NDRG2: variants seen among roughly 807,000 people sequenced by gnomAD.
NDRG2 encodes NDRG family member 2.
In NDRG2, 34 loss-of-function variants were observed where a neutral mutation model predicts 58.2. The ratio of observed to expected loss-of-function variants is 0.58; its 90% CI spans 0.44 to 0.78. NDRG2 has a LOEUF of 0.78. Ranked by LOEUF, NDRG2 falls within the 30% of genes least tolerant of loss-of-function variation. The probability of loss-of-function intolerance (pLI) is 0.00; values close to 1 mark genes in which losing one functional copy is unlikely to be tolerated. For synonymous variants in NDRG2, 187 were observed against 175.9 expected (o/e 1.06, Z -0.50); for missense variants, 434 against 471.2 (o/e 0.92, Z 0.73).
At chr14:21,030,700 T>C, upstream of NDRG2, 1 of 1,614,174 alleles carries the variant, frequency 6.2e-7, no homozygotes, top group South Asian at 1.1e-5. Context: ...TGTGGCATCA[T>C]GGATGGCAAG....
At chr14:21,017,915 C>G (rs1877671178) in intron 15 of NDRG2, 72 bp downstream of exon 15, 3 of 1,612,266 alleles carry the variant, frequency 1.9e-6, no homozygotes, top group Admixed American at 1.7e-5. Context: ...TCCAGGCATT[C>G]ACCTAAAACG....
At chr14:21,022,783 G>A in intron 3 of NDRG2, 81 bp downstream of exon 3, 4 of 1,401,864 alleles carry the variant, frequency 2.9e-6, no homozygotes, top group Middle Eastern at 1.8e-4. Flanking sequence ...AGAGAGAAGA[G>A]AGGGCCAAGC....
At chr14:21,021,932 AC>A in intron 5 of NDRG2, 53 bp from the exon 6 acceptor site, 1 of 1,610,696 alleles carries the variant, frequency 6.2e-7, no homozygotes, top group Non-Finnish European at 8.5e-7. Flanking sequence ...CACACCCCCC[AC>A]CTCAGGATGT....
chr14:21,042,904 T>C (rs368936021), intron 1 of NDRG2: 20 of 1,101,306 alleles, frequency 1.8e-5, no homozygotes, highest in Non-Finnish European at 3.8e-6. Flanking sequence ...CTAGCTCATA[T>C]GAGCAGGTAT....
chr14:21,038,074 T>C (rs1479661638), intron 1 of NDRG2, among the ~76,000 whole-genome samples: 1 of 152,210 alleles, frequency 6.6e-6, no homozygotes, highest in African/African-American at 2.4e-5. Context: ...TCCTGGGCTG[T>C]CCTTGAACCT....
chr14:21,021,367 T>A, intron 6 of NDRG2: 1 of 329,574 alleles, frequency 3.0e-6, no homozygotes, highest in Non-Finnish European at 5.9e-6. Context: ...GGCCAGCACC[T>A]CCCTCTGAAT....
At position 21,023,253 on chromosome 14, in the gene NDRG2, A is replaced by G; in HGVS notation, c.63T>C (p.Pro21=). 2 of 1,613,948 alleles carry G rather than the reference A, an allele frequency of 1.2e-6. No homozygotes were observed. Among genetic ancestry groups the G allele is most frequent in the Non-Finnish European group, 1.7e-6 (2 of 1,179,912 alleles). Residue 21 remains proline (P), a synonymous_variant, in exon 2 of 16, where the codon CCT becomes CCC. Coordinates refer to ENST00000556147, the MANE Select transcript of NDRG2 (RefSeq NM_001320329.2). ...GGTCTCTAATAACCTTGGCCGCCTCAGGCGTCTGTCCTGGCAACAGTGGCT... is the reference window on the plus strand; with the variant it reads ...GGTCTCTAATAACCTTGGCCGCCTCGGGCGTCTGTCCTGGCAACAGTGGCT... ...EEKPLLPGQT[P]EAAKEAELAA...
chr14:21,020,046 A>G (rs1247415942), intron 8 of NDRG2, 70 bp from the exon 9 acceptor site: 2 of 1,470,966 alleles, frequency 1.4e-6, no homozygotes, highest in Non-Finnish European at 1.9e-6. Flanking sequence ...CTGTAATCCC[A>G]GCACTTTGGG....
Position 21,024,204 on chromosome 14 carries a change from C to T in NDRG2, c.-181G>A. ...AGACTCCCAGGGTCATCAACCTCCT[C>T]GGGTCACTAACCCTCCCCAGTGTCT... On this transcript the variant is annotated 5_prime_UTR_variant, in exon 1 of 16. Transcript: ENST00000556147. 3 of 985,436 alleles carry T rather than the reference C, an allele frequency of 3.0e-6. No individual in the cohort carries two copies. The highest frequency in any genetic ancestry group is 3.6e-6 in the Non-Finnish European group (3 of 830,008). 61.0% of individuals were successfully genotyped at this position (985,436 alleles called of 1,614,324 possible).
chr14:21,018,573 G>A (rs1218754808), intron 12 of NDRG2, 69 bp from the exon 13 acceptor site: 6 of 1,584,608 alleles, frequency 3.8e-6, no homozygotes, highest in Non-Finnish European at 5.1e-6. Flanking sequence ...AAGGGACCCA[G>A]GAACCCAGAC....
At position 21,049,147 on chromosome 14, in the gene NDRG2, T is replaced by G. The variant is rs192484018; in HGVS notation, c.24+21681A>C. On this transcript the variant is annotated intron_variant, in intron 1 of 14. Transcript: ENST00000403829. ...CCTCCCATCCAAAGGATTTGATTATTGCAGCAATTGATGGAGACAGGGCTC... is the reference window on the plus strand; with the variant it reads ...CCTCCCATCCAAAGGATTTGATTATGGCAGCAATTGATGGAGACAGGGCTC... Among the ~76,000 whole-genome samples the G allele has an allele frequency of 2.8e-3, 425 of 152,308 alleles. 1 individual carries two copies. Among genetic ancestry groups the G allele is most frequent in the African/African-American group, 9.7e-3 (404 of 41,550 alleles).
At chr14:21,026,714 C>T (rs1594466950), upstream of NDRG2, among the ~76,000 whole-genome samples, 2 of 152,168 alleles carry the variant, frequency 1.3e-5, no homozygotes, top group Admixed American at 1.3e-4. Flanking sequence ...ATTTGGAGCA[C>T]CCAACTTTTC....
intron 1 of NDRG2, among the ~76,000 whole-genome samples, chr14:21,035,135 G>C (rs1884535278): frequency 6.6e-6 from 1 of 152,166 alleles, no homozygotes; most frequent in African/African-American, 2.4e-5. Context: ...CCACCAAAGT[G>C]CTGGGCTGAG....
intron 1 of NDRG2, among the ~76,000 whole-genome samples, chr14:21,067,761 T>TACACAC (rs3061993): frequency 0.027 from 3,999 of 150,094 alleles, 65 homozygotes; most frequent in African/African-American, 0.043. Flanking sequence ...TGTACACACG[T>TACACAC]ACACACACAC....
chr14:21,025,944 G>C (rs1380672845), upstream of NDRG2: 1 of 155,870 alleles, frequency 6.4e-6, no homozygotes, highest in Non-Finnish European at 1.4e-5. The surrounding 1 kb of genome is among the most constrained non-coding windows in gnomAD (Gnocchi z 5.1). Context: ...CGGGGGTGGA[G>C]TAGGGGCTTG....
chr14:21,017,652 C>G lies in NDRG2; in HGVS notation c.1060G>C (p.Glu354Gln). ...GGCCCCGAAGAAAGAGTTCCAGACT[C>G]GCTGCTCTGGGACAGGGTGCGAGAG... Reference protein sequence around the residue: ...SRSRTLSQSSESGTLSSGPPG... With the variant: ...SRSRTLSQSSQSGTLSSGPPG... The change falls in exon 16 of 16, where the codon GAG (glutamate) becomes CAG (glutamine). Residue 354 changes from glutamate to glutamine, a missense_variant. Glu to Gln is a conservative substitution (Grantham distance 29, BLOSUM62 2). Transcript: ENST00000556147. The G allele has an allele frequency of 1.2e-6, 2 of 1,613,212 alleles. No individual in the cohort carries two copies. The highest frequency in any genetic ancestry group is 1.7e-6 in the Non-Finnish European group (2 of 1,179,658).
At chr14:21,038,136 C>G (rs987831386) in intron 1 of NDRG2, among the ~76,000 whole-genome samples, 4 of 152,180 alleles carry the variant, frequency 2.6e-5, no homozygotes, top group Non-Finnish European at 5.9e-5. Flanking sequence ...CACCTCAAAC[C>G]CAGGGCTGAA....
chr14:21,020,485 C>G lies in NDRG2; in HGVS notation c.555+11G>C. ...CCAACCGTAGGTCTCAGCACACAGG[C>G]CCCTCCAAACCTTGTGGGCTGCCCA... is the stretch of plus-strand genomic sequence containing the variant. On this transcript the variant is annotated intron_variant, in intron 8 of 15. Transcript: ENST00000556147. 1 of 1,611,638 alleles carries G rather than the reference C, an allele frequency of 6.2e-7. No individual in the cohort carries two copies. The highest frequency in any genetic ancestry group is 8.5e-7 in the Non-Finnish European group (1 of 1,178,514).
intron 1 of NDRG2, among the ~76,000 whole-genome samples, chr14:21,037,537 C>G (rs944222913): frequency 3.9e-5 from 6 of 152,236 alleles, no homozygotes; most frequent in Non-Finnish European, 8.8e-5. Flanking sequence ...TGCTACTGGC[C>G]TGTGGCCAGG....
Sources: allele counts gnomAD v4.1 joint callset (sites outside exome capture counted in the v4.1 genomes callset), GRCh38; gene constraint gnomAD v4.1.1; non-coding constraint Gnocchi (gnomAD v3.1); transcripts MANE v1.5; gene names NCBI Gene and HGNC (gene_info 2026-07-23, HGNC 2026-07-21).